Variants in PSD3 observed in about 807,000 individuals in gnomAD.
PSD3 encodes pleckstrin and Sec7 domain containing 3, also known as PH and SEC7 domain-containing protein 3.
In PSD3, 49 loss-of-function variants were observed where a neutral mutation model predicts 105.5. That is an observed-to-expected ratio of 0.46 (90% CI 0.37 to 0.59). The LOEUF is 0.59. Ranked by LOEUF, PSD3 falls within the 20% of genes least tolerant of loss-of-function variation. PSD3 has a pLI of 0.00. For missense variants in PSD3, 1,561 were observed against 1,263.8 expected (o/e 1.24, Z -3.57); for synonymous variants, 557 against 457.8 (o/e 1.22, Z -2.77).
intron 2 of PSD3, among the ~76,000 whole-genome samples, chr8:18,877,610 C>T (rs1019346567): frequency 5.3e-5 from 8 of 150,354 alleles, no homozygotes; most frequent in Admixed American, 4.7e-4. Flanking sequence ...GGTGCAATCA[C>T]AGTTCACTGC....
At chr8:18,581,136 G>C (rs1355366474) in intron 12 of PSD3, among the ~76,000 whole-genome samples, 3 of 152,042 alleles carry the variant, frequency 2.0e-5, no homozygotes, top group Middle Eastern at 3.2e-3. Context: ...GTAACGAAGT[G>C]GATATGAAGT....
chr8:18,632,849 T>C (rs746611562), intron 10 of PSD3, 43 bp from the exon 11 acceptor site: 1 of 1,403,168 alleles, frequency 7.1e-7, no homozygotes, highest in Non-Finnish European at 9.7e-7. Flanking sequence ...GCACCTATCA[T>C]AATATTCAAA....
intron 9 of PSD3, among the ~76,000 whole-genome samples, chr8:18,747,797 T>C (rs1259785412): frequency 6.6e-6 from 1 of 152,170 alleles, no homozygotes; most frequent in African/African-American, 2.4e-5. Context: ...AAAGGCTATT[T>C]TTCTTATCAA....
At position 18,718,062 on chromosome 8, in the gene PSD3, A is replaced by G. The variant is rs182841174; in HGVS notation, c.2172+47387T>C. 1.1e-3 allele frequency among the ~76,000 whole-genome samples: 167 copies of G among 152,310 alleles called. 2 individuals carry two copies. Among genetic ancestry groups the G allele is most frequent in the African/African-American group, 3.9e-3 (162 of 41,564 alleles). ...AGGGTTTAACAGTCTTTCTTCAAGCACATTCGGCAGAAATGGAATTAGTTT... is the reference window on the plus strand; with the variant it reads ...AGGGTTTAACAGTCTTTCTTCAAGCGCATTCGGCAGAAATGGAATTAGTTT... On this transcript the variant is annotated intron_variant, in intron 9 of 15. Transcript: ENST00000327040.
At chr8:18,682,772 C>T (rs916191114) in intron 9 of PSD3, among the ~76,000 whole-genome samples, 4 of 151,872 alleles carry the variant, frequency 2.6e-5, no homozygotes, top group African/African-American at 9.7e-5. Flanking sequence ...TTATGTCACA[C>T]AGGGATGGGG....
chr8:18,950,705 T>A (rs1262418613), intron 1 of PSD3, among the ~76,000 whole-genome samples: 1 of 152,182 alleles, frequency 6.6e-6, no homozygotes, highest in Non-Finnish European at 1.5e-5. Context: ...TATACAACTA[T>A]AACTTATCAA....
intron 9 of PSD3, among the ~76,000 whole-genome samples, chr8:18,755,183 C>A (rs1805912386): frequency 6.6e-6 from 1 of 152,114 alleles, no homozygotes; most frequent in Non-Finnish European, 1.5e-5. Context: ...AATCCCAGTA[C>A]TTTGGGAGGC....
chr8:18,593,363 A>G (rs1299404933), intron 12 of PSD3, among the ~76,000 whole-genome samples: 1 of 152,226 alleles, frequency 6.6e-6, no homozygotes, highest in Admixed American at 6.5e-5. Context: ...GCCAACAGAC[A>G]CATGAAAAAA....
rs13275615 is a variant in PSD3, at chr8:18,746,282, A to G, written c.2172+19167T>C. On this transcript the variant is annotated intron_variant, in intron 9 of 15. Transcript: ENST00000327040. ...CATGCACTCCCCATTCTGAGTCCAT[A>G]AAGGGCCCCAGACCCAGCCACACAG... Among the ~76,000 whole-genome samples the G allele has an allele frequency of 8.6e-3, 1,305 of 152,272 alleles. 6 individuals are homozygous for G. The highest frequency in any genetic ancestry group is 0.013 in the Admixed American group (202 of 15,298).
intron 2 of PSD3, among the ~76,000 whole-genome samples, chr8:18,916,071 G>A (rs914518633): frequency 4.0e-5 from 6 of 151,606 alleles, no homozygotes; most frequent in Admixed American, 3.3e-4. Context: ...ACTCCAGCCT[G>A]GGCAAAAAGA....
At chr8:18,921,577 G>A (rs981015212) in intron 2 of PSD3, among the ~76,000 whole-genome samples, 1 of 152,194 alleles carries the variant, frequency 6.6e-6, no homozygotes, top group Non-Finnish European at 1.5e-5. Flanking sequence ...GTCACGGGGA[G>A]TCTCTTTAAG....
At chr8:18,593,174 G>C (rs1344643430) in intron 12 of PSD3, among the ~76,000 whole-genome samples, 1 of 152,030 alleles carries the variant, frequency 6.6e-6, no homozygotes, top group African/African-American at 2.4e-5. Flanking sequence ...ACTACCATCA[G>C]AGTGAACACG....
chr8:18,561,245 T>C (rs1414409343), intron 14 of PSD3, among the ~76,000 whole-genome samples: 2 of 152,034 alleles, frequency 1.3e-5, no homozygotes, highest in African/African-American at 2.4e-5. Context: ...CTTTGAAAAA[T>C]GGATAAGGAA....
At chr8:18,948,635 C>T (rs1344699247) in intron 1 of PSD3, among the ~76,000 whole-genome samples, 1 of 152,074 alleles carries the variant, frequency 6.6e-6, no homozygotes, top group East Asian at 1.9e-4. Flanking sequence ...TCAAAAAAGC[C>T]TTGAAACCTT....
rs1799526544 is a variant in PSD3 at position 18,528,821 on chromosome 8, G to T, written c.*6922C>A. 1 of 152,650 alleles carries T rather than the reference G, an allele frequency of 6.6e-6. No homozygotes were observed. The highest frequency in any genetic ancestry group is 2.4e-5 in the African/African-American group (1 of 41,456). The allele number at this position is 152,650 out of a possible 1,614,324, so 9.5% of individuals were successfully genotyped here. On this transcript the variant is annotated 3_prime_UTR_variant, in exon 16 of 16. Transcript: ENST00000327040. ...AACATTTTCAGGAATTGAAGTTAGG[G>T]TGCTTATTTCTATAACACTATTCCT...
intron 15 of PSD3, among the ~76,000 whole-genome samples, chr8:18,537,864 A>T (rs2129930352): frequency 6.6e-6 from 1 of 152,246 alleles, no homozygotes; most frequent in African/African-American, 2.4e-5. Context: ...TTTAGTAGAG[A>T]TGGGGTTTCG....
At chr8:18,734,821 G>C (rs190813142) in intron 9 of PSD3, among the ~76,000 whole-genome samples, 1 of 152,128 alleles carries the variant, frequency 6.6e-6, no homozygotes, top group Non-Finnish European at 1.5e-5. Context: ...CTGATGTTTT[G>C]TAAGGTGTTA....
intron 1 of PSD3, among the ~76,000 whole-genome samples, chr8:19,030,780 T>C (rs1236378630): frequency 6.6e-6 from 1 of 152,154 alleles, no homozygotes; most frequent in Non-Finnish European, 1.5e-5. Flanking sequence ...CTTCTACCAC[T>C]CCATTTCTAG....
intron 1 of PSD3, among the ~76,000 whole-genome samples, chr8:18,972,444 A>G (rs1413430350): frequency 6.6e-6 from 1 of 152,214 alleles, no homozygotes; most frequent in African/African-American, 2.4e-5. Context: ...CAACATAGCT[A>G]ATTCCTGGGA....
Sources: gnomAD v4.1 joint callset for allele counts (sites outside exome capture counted in the v4.1 genomes callset) on GRCh38, gnomAD v4.1.1 for gene constraint, MANE v1.5 for transcripts, NCBI Gene and HGNC (gene_info 2026-07-23, HGNC 2026-07-21) for gene names.